Variants in PTX3 observed in about 807,000 individuals in gnomAD.
PTX3 encodes the protein pentraxin 3, also known as pentraxin-related protein PTX3.
In PTX3, 24 loss-of-function variants were observed where a neutral mutation model predicts 23.5. That is an observed-to-expected ratio of 1.02 (90% CI 0.74 to 1.43). The LOEUF is 1.43. Among genes scored for constraint, PTX3 ranks in the 40% most tolerant of loss-of-function variants. PTX3 has a pLI of 0.00. For missense variants in PTX3, 510 were observed against 497.5 expected (o/e 1.02, Z -0.24); for synonymous variants, 218 against 205.4 (o/e 1.06, Z -0.53).
chr3:157,438,052 C>CAT (rs1381901735), intron 2 of PTX3, 138 bp downstream of exon 2: 22 of 734,984 alleles, frequency 3.0e-5, no homozygotes, highest in African/African-American at 6.0e-5. Flanking sequence ...CACACACACA[C>CAT]ACACACACAC....
chr3:157,441,792 A>G (rs977857041), intron 2 of PTX3, among the ~76,000 whole-genome samples: 2 of 150,446 alleles, frequency 1.3e-5, no homozygotes, highest in Non-Finnish European at 3.0e-5. Flanking sequence ...CCTGGGTGAC[A>G]GAGTGAGACT....
chr3:157,442,315 G>A, intron 2 of PTX3, 51 bp from the exon 3 acceptor site: 3 of 1,410,340 alleles, frequency 2.1e-6, no homozygotes, highest in Non-Finnish European at 2.9e-6. Context: ...GAATAATTCT[G>A]AATTAATTTA....
chr3:157,438,069 A>C (rs56025932), intron 2 of PTX3, among the ~76,000 whole-genome samples, 155 bp downstream of exon 2: 11,269 of 149,038 alleles, frequency 0.076, 678 homozygotes, highest in South Asian at 0.2. Flanking sequence ...ACACACACAC[A>C]CACCCCTATT....
At position 157,437,663 on chromosome 3, in the gene PTX3, G is replaced by C; in HGVS notation, c.281G>C (p.Arg94Pro). ...CAGAGGCTGCGGGAGGAGCTGGGCC[G>C]GCTCGCGGAAAGCCTGGCGAGGCCG... ...ELQRLREELG[R>P]LAESLARPCA... Residue 94 changes from arginine to proline, a missense_variant, in exon 2 of 3, where the codon CGG (arginine) becomes CCG (proline). Arg to Pro is a moderately radical substitution (Grantham distance 103). Coordinates refer to ENST00000295927, the MANE Select transcript of PTX3 (RefSeq NM_002852.4). 1.3e-6 allele frequency: 2 copies of C among 1,541,142 alleles called. No homozygotes were observed. Among genetic ancestry groups the C allele is most frequent in the Non-Finnish European group, 1.7e-6 (2 of 1,146,580 alleles).
rs1310682773 is a variant in PTX3, at chr3:157,436,953, T to C, written c.20T>C (p.Leu7Pro). 6.2e-7 allele frequency: 1 copy of C among 1,613,740 alleles called. No individual in the cohort carries two copies. MHLLAI[L>P]FCALWSAVLA... ...CCAGCAATGCATCTCCTTGCGATTC[T>C]GTTTTGTGCTCTCTGGTCTGCAGTG... The change falls in exon 1 of 3, where the codon CTG (leucine) becomes CCG (proline). Residue 7 changes from leucine to proline, a missense_variant. Coordinates refer to ENST00000295927, the MANE Select transcript of PTX3 (RefSeq NM_002852.4).
In PTX3 at chr3:157,437,508, T is replaced by G. The variant is rs1733701475; in HGVS notation, c.131-5T>G. The G allele has an allele frequency of 1.9e-6, 3 of 1,602,198 alleles. No homozygotes were observed. Among genetic ancestry groups the G allele is most frequent in the African/African-American group, 2.7e-5 (2 of 74,638 alleles). On this transcript the variant is annotated splice_polypyrimidine_tract_variant and splice_region_variant and intron_variant, in intron 1 of 2. Transcript: ENST00000295927. ...CTGCTAACGTGTGTGTATCCCGTACTCTAGCCACGCCGTGCGCCTGCGGTC... is the reference window on the plus strand; with the variant it reads ...CTGCTAACGTGTGTGTATCCCGTACGCTAGCCACGCCGTGCGCCTGCGGTC...
Position 157,442,997 on chromosome 3 carries a change from T to C in PTX3, c.*18T>C. The stretch of plus-strand genomic sequence containing the variant: ...TTTCATAAATGTTGTGAAACTCCAC[T>C]TGAAGCCAAAGAAAGAAACTCACAC... On this transcript the variant is annotated 3_prime_UTR_variant, in exon 3 of 3. Coordinates refer to ENST00000295927, the MANE Select transcript of PTX3 (RefSeq NM_002852.4). The C allele has an allele frequency of 6.4e-7, 1 of 1,572,282 alleles. No individual in the cohort carries two copies. The highest frequency in any genetic ancestry group is 1.9e-5 in the Admixed American group (1 of 52,358).
At chr3:157,439,990 T>C (rs1173599853) in intron 2 of PTX3, among the ~76,000 whole-genome samples, 1 of 152,182 alleles carries the variant, frequency 6.6e-6, no homozygotes, top group East Asian at 1.9e-4. Flanking sequence ...GACCTTGTGA[T>C]CCACCCGCCT....
At chr3:157,437,433 C>T (rs1445983045) in intron 1 of PTX3, 80 bp from the exon 2 acceptor site, 1 of 1,524,392 alleles carries the variant, frequency 6.6e-7, no homozygotes, top group East Asian at 2.4e-5. Context: ...CTTGGCACCA[C>T]CGAGGGAGGT....
chr3:157,436,900 C>T lies in PTX3; in HGVS notation c.-34C>T, dbSNP rs993006667. The T allele has an allele frequency of 1.2e-6, 2 of 1,606,722 alleles. No individual in the cohort carries two copies. Among genetic ancestry groups the T allele is most frequent in the African/African-American group, 1.3e-5 (1 of 74,710 alleles). On this transcript the variant is annotated 5_prime_UTR_variant, in exon 1 of 3. Coordinates refer to ENST00000295927, the MANE Select transcript of PTX3 (RefSeq NM_002852.4). ...CAGCTCACTTGAGAGTCTCCTCCCGCCAGCTGTGGAAAGAACTTTGCGTCT... is the reference window on the plus strand; with the variant it reads ...CAGCTCACTTGAGAGTCTCCTCCCGTCAGCTGTGGAAAGAACTTTGCGTCT...
chr3:157,438,209 CGT>C (rs1420512484), intron 2 of PTX3, among the ~76,000 whole-genome samples: 1 of 152,034 alleles, frequency 6.6e-6, no homozygotes, highest in Non-Finnish European at 1.5e-5. Context: ...TTGAAATAGA[CGT>C]CTAGGGCCCC....
chr3:157,442,384 T>C lies in PTX3; in HGVS notation c.551T>C (p.Leu184Ser), dbSNP rs370211025. The C allele has an allele frequency of 1.2e-5, 19 of 1,610,952 alleles. No individual in the cohort carries two copies. The highest frequency in any genetic ancestry group is 1.6e-5 in the Non-Finnish European group (19 of 1,177,200). ...ACTCTAGGTTGTGAAACAGCTATTT[T>C]ATTCCCAATGCGTTCCAAGAAGATT... ...WLPAGCETAI[L>S]FPMRSKKIFG... Residue 184 changes from leucine (L) to serine (S), a missense_variant, in exon 3 of 3, where the codon TTA (leucine) becomes TCA (serine). Coordinates refer to ENST00000295927, the MANE Select transcript of PTX3 (RefSeq NM_002852.4).
At chr3:157,437,364 A>T in intron 1 of PTX3, 149 bp from the exon 2 acceptor site, 1 of 988,848 alleles carries the variant, frequency 1.0e-6, no homozygotes. Flanking sequence ...TGAGACATTT[A>T]CATGCTGTTT....
intron 1 of PTX3, among the ~76,000 whole-genome samples, chr3:157,437,305 C>T (rs1246578067): frequency 6.6e-6 from 1 of 152,186 alleles, no homozygotes; most frequent in Non-Finnish European, 1.5e-5. Context: ...CCGGCGATTT[C>T]ATAGGGTACA....
rs1335418079 is a variant in PTX3 at position 157,437,929 on chromosome 3, G to A, written c.532+15G>A. 7 of 1,528,610 alleles carry A rather than the reference G, an allele frequency of 4.6e-6. No homozygotes were observed. Among genetic ancestry groups the A allele is most frequent in the Admixed American group, 2.0e-5 (1 of 50,416 alleles). 94.7% of individuals were successfully genotyped at this position (1,528,610 alleles called of 1,614,324 possible). A position where few individuals can be genotyped will look rare whatever the true frequency, so the allele number is the denominator to read the frequency against. On this transcript the variant is annotated intron_variant, in intron 2 of 2. Coordinates refer to ENST00000295927, the MANE Select transcript of PTX3 (RefSeq NM_002852.4). ...GCTGCCGGCAGGTAAGGAGGCAAGC[G>A]GGGCCGGGACCTCCCACTGCGGCTT... is the stretch of plus-strand genomic sequence containing the variant.
chr3:157,442,699 T>C lies in PTX3; in HGVS notation c.866T>C (p.Leu289Pro). 5 of 1,614,198 alleles carry C rather than the reference T, an allele frequency of 3.1e-6. No homozygotes were observed. Among genetic ancestry groups the C allele is most frequent in the Non-Finnish European group, 4.2e-6 (5 of 1,180,024 alleles). ...GLTSLWVNGELAATTVEMATG... is the reference protein window; with the variant it reads ...GLTSLWVNGEPAATTVEMATG... ...ACATCCTTGTGGGTAAATGGTGAAC[T>C]GGCGGCTACCACTGTTGAGATGGCC... The change falls in exon 3 of 3, where the codon CTG becomes CCG. Residue 289 changes from leucine to proline, a missense_variant. Coordinates refer to ENST00000295927, the MANE Select transcript of PTX3 (RefSeq NM_002852.4).
rs35415718 is a variant in PTX3, at chr3:157,442,702, C to A, written c.869C>A (p.Ala290Glu). ...LTSLWVNGEL[A>E]ATTVEMATGH... Reference sequence around the variant, plus strand: ...TCCTTGTGGGTAAATGGTGAACTGGCGGCTACCACTGTTGAGATGGCCACA... The same window carrying A: ...TCCTTGTGGGTAAATGGTGAACTGGAGGCTACCACTGTTGAGATGGCCACA... The change falls in exon 3 of 3, where the codon GCG (alanine) becomes GAG (glutamate). Residue 290 changes from alanine (A) to glutamate (E), a missense_variant. By Grantham distance (107) the Ala-to-Glu change is moderately radical. Coordinates refer to ENST00000295927, the MANE Select transcript of PTX3 (RefSeq NM_002852.4). 6.2e-7 allele frequency: 1 copy of A among 1,614,140 alleles called. No homozygotes were observed. Among genetic ancestry groups the A allele is most frequent in the East Asian group, 2.2e-5 (1 of 44,886 alleles).
Position 157,437,700 on chromosome 3 carries a change from G to A in PTX3, c.318G>A (p.Gly106=). 1 of 1,532,182 alleles carries A rather than the reference G, an allele frequency of 6.5e-7. No individual in the cohort carries two copies. Among genetic ancestry groups the A allele is most frequent in the Non-Finnish European group, 8.7e-7 (1 of 1,144,192 alleles). 94.9% of individuals were successfully genotyped at this position (1,532,182 alleles called of 1,614,324 possible). A position where few individuals can be genotyped will look rare whatever the true frequency, so the allele number is the denominator to read the frequency against. The change falls in exon 2 of 3, where the codon GGG becomes GGA. Residue 106 remains glycine, a synonymous_variant. Transcript: ENST00000295927. The stretch of plus-strand genomic sequence containing the variant: ...GCCTGGCGAGGCCGTGCGCGCCGGG[G>A]GCTCCCGCAGAGGCCAGGCTGACCA... ...AESLARPCAP[G]APAEARLTSA...
rs1414026381 is a variant in PTX3, at chr3:157,442,870, A to G, written c.1037A>G (p.Glu346Gly). The change falls in exon 3 of 3, where the codon GAA (glutamate) becomes GGA (glycine). Residue 346 changes from glutamate to glycine, a missense_variant. Glu to Gly is a moderately conservative substitution (Grantham distance 98, BLOSUM62 -2). Coordinates refer to ENST00000295927, the MANE Select transcript of PTX3 (RefSeq NM_002852.4). The part of the protein sequence containing the change: ...FNIWDSVLSN[E>G]EIRETGGAES... The stretch of plus-strand genomic sequence containing the variant: ...ATCTGGGATAGTGTTCTTAGCAATG[A>G]AGAGATAAGAGAGACCGGAGGAGCA... 1.2e-6 allele frequency: 2 copies of G among 1,614,194 alleles called. No individual in the cohort carries two copies. The highest frequency in any genetic ancestry group is 1.7e-6 in the Non-Finnish European group (2 of 1,180,022).
Sources: gnomAD v4.1 joint callset for allele counts (sites outside exome capture counted in the v4.1 genomes callset) on GRCh38, gnomAD v4.1.1 for gene constraint, MANE v1.5 for transcripts, NCBI Gene and HGNC (gene_info 2026-07-23, HGNC 2026-07-21) for gene names.